PIAS2: variants seen among roughly 807,000 people sequenced by gnomAD.
PIAS2 encodes the protein protein inhibitor of activated STAT 2, also known as E3 SUMO-protein ligase PIAS2.
Under a neutral mutation model 69.7 loss-of-function variants are expected in PIAS2, and 19 were observed. The ratio of observed to expected loss-of-function variants is 0.27; its 90% CI spans 0.19 to 0.40. The LOEUF (loss-of-function observed/expected upper bound fraction) is 0.40. PIAS2 is among the 10% of genes least tolerant of loss of function. The pLI is 1.00. For missense variants in PIAS2, 624 were observed against 757.0 expected, an observed-to-expected ratio of 0.82 and a Z score of 2.06; for synonymous variants, 261 against 263.2, an observed-to-expected ratio of 0.99 and a Z score of 0.08.
chr18:46,820,792 C>T lies in PIAS2; in HGVS notation c.1648+141G>A. ...AACAACTGGATGTGATGTATAAAAA[C>T]AGATAAGACCTTTACCCGAAGCTTT... is the stretch of plus-strand genomic sequence containing the variant. On this transcript the variant is annotated intron_variant, in intron 12 of 13. Transcript: ENST00000585916. 6.5e-6 allele frequency: 4 copies of T among 618,390 alleles called. No homozygotes were observed. The South Asian group carries it at 1.1e-4, about 16-fold the overall frequency. The allele number at this position is 618,390 out of a possible 1,614,324, so 38.3% of individuals were successfully genotyped here.
chr18:46,864,199 C>G lies in PIAS2; in HGVS notation c.549G>C (p.Leu183Phe). The change falls in exon 3 of 14, where the codon TTG becomes TTC. Residue 183 changes from leucine to phenylalanine, a missense_variant. Leu to Phe is a conservative substitution (Grantham distance 22, BLOSUM62 0). This residue lies in a region of PIAS2 where 339 missense variants were observed against 408.8 expected (regional missense o/e 0.83). Coordinates refer to ENST00000585916, the MANE Select transcript of PIAS2 (RefSeq NM_004671.5). ...ATATCTCTCTAACTTGTTGAGGTGT[C>G]AAAGCAAAAATAAAAAACTTCTCTT... ...RFQEKFFIFA[L>F]TPQQVREICI... The G allele has an allele frequency of 6.3e-7, 1 of 1,578,736 alleles. No homozygotes were observed.
At chr18:46,873,256 T>C (rs1229494879) in intron 2 of PIAS2, among the ~76,000 whole-genome samples, 1 of 152,192 alleles carries the variant, frequency 6.6e-6, no homozygotes, top group Non-Finnish European at 1.5e-5. Context: ...AGAGGTAACT[T>C]AACATTAACC....
chr18:46,887,380 A>G (rs1012543281), intron 2 of PIAS2, among the ~76,000 whole-genome samples: 1 of 152,204 alleles, frequency 6.6e-6, no homozygotes, highest in Non-Finnish European at 1.5e-5. Flanking sequence ...CAATCCTGTA[A>G]GACAGGTAAA....
intron 1 of PIAS2, among the ~76,000 whole-genome samples, chr18:46,911,423 C>T (rs2057254400): frequency 6.6e-6 from 1 of 152,076 alleles, no homozygotes; most frequent in African/African-American, 2.4e-5. Flanking sequence ...ACCATGTTAG[C>T]CAGGCTGGTC....
At chr18:46,857,475 G>A (rs1262224128) in intron 3 of PIAS2, among the ~76,000 whole-genome samples, 1 of 152,176 alleles carries the variant, frequency 6.6e-6, no homozygotes, top group Admixed American at 6.5e-5. Flanking sequence ...GGTTTTTACA[G>A]CAGTGGTTCT....
intron 9 of PIAS2, among the ~76,000 whole-genome samples, chr18:46,834,641 G>A (rs184422315): frequency 1.3e-5 from 2 of 151,850 alleles, no homozygotes; most frequent in African/African-American, 4.8e-5. Flanking sequence ...TTGAAACAGA[G>A]TCTTTCTCCA....
At chr18:46,886,546 T>C (rs1055466735) in intron 2 of PIAS2, among the ~76,000 whole-genome samples, 1 of 152,198 alleles carries the variant, frequency 6.6e-6, no homozygotes, top group Admixed American at 6.5e-5. Context: ...TTAAAATACT[T>C]GCTCTTGTTG....
At chr18:46,832,121 A>G (rs1312955259) in intron 9 of PIAS2, among the ~76,000 whole-genome samples, 1 of 152,180 alleles carries the variant, frequency 6.6e-6, no homozygotes, top group Non-Finnish European at 1.5e-5. Flanking sequence ...AACCCAACTA[A>G]AAAGTGGGCA....
chr18:46,827,160 C>T (rs1306311542), intron 11 of PIAS2: 3 of 151,954 alleles, frequency 2.0e-5, no homozygotes, highest in Non-Finnish European at 4.4e-5. Context: ...CCAAGTGGAC[C>T]AAGAGGCCAA....
intron 3 of PIAS2, among the ~76,000 whole-genome samples, chr18:46,857,048 A>G (rs190823709): frequency 3.5e-4 from 53 of 152,364 alleles, no homozygotes; most frequent in Admixed American, 3.3e-3. Context: ...TGTTAACAAC[A>G]CATGTCAAGT....
At chr18:46,866,831 G>A (rs1047087240) in intron 2 of PIAS2, among the ~76,000 whole-genome samples, 1 of 152,092 alleles carries the variant, frequency 6.6e-6, no homozygotes, top group Non-Finnish European at 1.5e-5. Flanking sequence ...TCTCCCTAAA[G>A]ACCAATCCAC....
At position 46,806,007 on chromosome 18, in the gene PIAS2, C is replaced by G. The variant is rs760815288; in HGVS notation, c.*6426G>C. 5 of 152,224 alleles carry G rather than the reference C, an allele frequency of 3.3e-5. No homozygotes were observed. The highest frequency in any genetic ancestry group is 5.9e-5 in the Non-Finnish European group (4 of 68,052). 9.4% of individuals were successfully genotyped at this position (152,224 alleles called of 1,614,324 possible). A position where few individuals can be genotyped will look rare whatever the true frequency, so the allele number is the denominator to read the frequency against. On this transcript the variant is annotated 3_prime_UTR_variant, in exon 14 of 14. Transcript: ENST00000585916. Reference sequence around the variant, plus strand: ...ATGAAAAATGCACTCAACCCTTACTCCTATATTCAGTCACTGAATCTTGAG... The same window carrying G: ...ATGAAAAATGCACTCAACCCTTACTGCTATATTCAGTCACTGAATCTTGAG...
intron 11 of PIAS2, 45 bp from the exon 12 acceptor site, chr18:46,821,117 T>G (rs1482557118): frequency 6.2e-7 from 1 of 1,605,534 alleles, no homozygotes; most frequent in Admixed American, 1.7e-5. Flanking sequence ...TGGCTGTTAG[T>G]TCACAGGAGA....
intron 2 of PIAS2, among the ~76,000 whole-genome samples, chr18:46,876,344 T>G (rs1219157655): frequency 6.6e-6 from 1 of 152,198 alleles, no homozygotes; most frequent in South Asian, 2.1e-4. Context: ...AATCAGATAG[T>G]GCAGGGTTTG....
intron 1 of PIAS2, among the ~76,000 whole-genome samples, chr18:46,905,271 G>A: frequency 6.6e-6 from 1 of 152,036 alleles, no homozygotes; most frequent in East Asian, 1.9e-4. Context: ...TTTTTAAATA[G>A]CTCATAAGTT....
chr18:46,809,810 C>T lies in PIAS2; in HGVS notation c.*2623G>A, dbSNP rs1210890298. On this transcript the variant is annotated 3_prime_UTR_variant, in exon 14 of 14. Coordinates refer to ENST00000585916, the MANE Select transcript of PIAS2 (RefSeq NM_004671.5). ...GAGGCTGACAATTACAGTTCATTTC[C>T]TAAGATATTCCAGACAATCACTGGT... 1.3e-5 allele frequency: 2 copies of T among 151,708 alleles called. No homozygotes were observed. The highest frequency in any genetic ancestry group is 2.4e-5 in the African/African-American group (1 of 41,294). The allele number at this position is 151,708 out of a possible 1,614,324, so 9.4% of individuals were successfully genotyped here.
chr18:46,879,839 T>G (rs917169581), intron 2 of PIAS2, among the ~76,000 whole-genome samples: 2 of 152,032 alleles, frequency 1.3e-5, no homozygotes, highest in African/African-American at 4.8e-5. Context: ...AGTCAAATAA[T>G]AAGACATATA....
intron 1 of PIAS2, among the ~76,000 whole-genome samples, chr18:46,894,798 C>T (rs540228039): frequency 1.2e-4 from 19 of 152,172 alleles, no homozygotes; most frequent in African/African-American, 1.4e-4. Flanking sequence ...AGGCTGGGCG[C>T]GGTGGCTCAT....
At chr18:46,844,171 T>G (rs1384641855) in intron 7 of PIAS2, 44 bp from the exon 8 acceptor site, 1 of 1,016,056 alleles carries the variant, frequency 9.8e-7, no homozygotes. Flanking sequence ...AAATTAAGGG[T>G]GACAAAGAAA....
Sources: gnomAD v4.1 joint callset for allele counts (sites outside exome capture counted in the v4.1 genomes callset) on GRCh38, gnomAD v4.1.1 for gene constraint, gnomAD v4.1.1 regional missense constraint, MANE v1.5 for transcripts, NCBI Gene and HGNC (gene_info 2026-07-23, HGNC 2026-07-21) for gene names.